Variants in CCDC178 observed in about 807,000 individuals in gnomAD.
CCDC178 encodes coiled-coil domain containing 178.
In CCDC178, 126 loss-of-function variants were observed where a neutral mutation model predicts 117.4. That is an observed-to-expected ratio of 1.07 (90% CI 0.93 to 1.24). CCDC178 has a LOEUF of 1.24. Among genes scored for constraint, CCDC178 ranks in the 50% most tolerant of loss-of-function variants. The probability of loss-of-function intolerance (pLI) is 0.00; values close to 1 mark genes in which losing one functional copy is unlikely to be tolerated. For synonymous variants in CCDC178, 283 were observed against 313.4 expected (o/e 0.90, Z 1.02); for missense variants, 1,030 against 986.9 (o/e 1.04, Z -0.59).
chr18:33,062,522 G>A (rs1020215717), intron 21 of CCDC178, among the ~76,000 whole-genome samples: 1 of 152,152 alleles, frequency 6.6e-6, no homozygotes, highest in Admixed American at 6.5e-5. Context: ...CAACCTGGCT[G>A]GAATTGACTC....
chr18:33,314,377 T>C (rs1195628235), intron 11 of CCDC178, among the ~76,000 whole-genome samples: 1 of 152,050 alleles, frequency 6.6e-6, no homozygotes, highest in Non-Finnish European at 1.5e-5. Flanking sequence ...AGTCTTCGGG[T>C]AAAGTAAAGC....
chr18:33,139,071 A>C (rs1568011955), intron 20 of CCDC178, among the ~76,000 whole-genome samples: 1 of 152,202 alleles, frequency 6.6e-6, no homozygotes, highest in African/African-American at 2.4e-5. Flanking sequence ...TGTTCTTGTA[A>C]TAGTGAATGA....
chr18:33,192,586 T>G (rs2058872690), intron 20 of CCDC178, among the ~76,000 whole-genome samples: 1 of 152,130 alleles, frequency 6.6e-6, no homozygotes, highest in Admixed American at 6.5e-5. Context: ...CAGAAAATTG[T>G]AATAAACAGT....
At chr18:33,343,178 A>T (rs1188663697) in intron 9 of CCDC178, among the ~76,000 whole-genome samples, 1 of 150,976 alleles carries the variant, frequency 6.6e-6, no homozygotes, top group Non-Finnish European at 1.5e-5. Flanking sequence ...AGATTATGGG[A>T]AAGACAGGTA....
intron 20 of CCDC178, among the ~76,000 whole-genome samples, chr18:33,206,157 G>C (rs903314290): frequency 1.3e-5 from 2 of 151,996 alleles, no homozygotes; most frequent in Admixed American, 1.3e-4. Flanking sequence ...ACTCAAGGCA[G>C]CTACATTCCC....
At chr18:33,429,107 C>T (rs2064169492) in intron 2 of CCDC178, among the ~76,000 whole-genome samples, 1 of 151,822 alleles carries the variant, frequency 6.6e-6, no homozygotes, top group African/African-American at 2.4e-5. Context: ...TATTTTAGAG[C>T]TATGACTTCA....
chr18:33,306,456 G>GTT (rs2062251619), intron 11 of CCDC178, among the ~76,000 whole-genome samples: 1 of 95,536 alleles, frequency 1.0e-5, no homozygotes, highest in African/African-American at 4.0e-5. Context: ...GTGTACATAT[G>GTT]GTTATATATA....
chr18:33,344,290 G>A (rs1302139053), intron 9 of CCDC178, among the ~76,000 whole-genome samples: 1 of 128,206 alleles, frequency 7.8e-6, no homozygotes, highest in Non-Finnish European at 1.6e-5. Context: ...CGGCCTGGGC[G>A]ACAGAGCGAG....
chr18:33,025,283 T>C (rs1008647171), intron 21 of CCDC178, among the ~76,000 whole-genome samples: 28 of 152,238 alleles, frequency 1.8e-4, no homozygotes, highest in Non-Finnish European at 1.5e-4. Context: ...TATTAAAATG[T>C]AACAAAAACT....
intron 9 of CCDC178, among the ~76,000 whole-genome samples, chr18:33,335,942 C>T (rs984284568): frequency 2.0e-5 from 3 of 151,986 alleles, no homozygotes; most frequent in Admixed American, 6.6e-5. Context: ...ATAAATTTTT[C>T]GTGCCTGGGT....
intron 6 of CCDC178, among the ~76,000 whole-genome samples, chr18:33,367,237 G>A (rs1453364945): frequency 1.3e-5 from 2 of 151,898 alleles, no homozygotes; most frequent in African/African-American, 4.8e-5. Context: ...CTTTCTTGTG[G>A]GATCTAAAAA....
intron 20 of CCDC178, among the ~76,000 whole-genome samples, chr18:33,121,018 C>T (rs961316609): frequency 1.5e-4 from 23 of 152,202 alleles, no homozygotes; most frequent in Admixed American, 1.0e-3. Context: ...TAAGTTGACA[C>T]GAGGTGGACT....
chr18:33,357,110 T>C (rs2063068055), intron 6 of CCDC178, among the ~76,000 whole-genome samples: 1 of 152,112 alleles, frequency 6.6e-6, no homozygotes, highest in Non-Finnish European at 1.5e-5. Context: ...CCCCCATTTC[T>C]AGATGTCCCA....
intron 12 of CCDC178, among the ~76,000 whole-genome samples, chr18:33,288,905 G>A (rs2060133825): frequency 6.6e-6 from 1 of 152,204 alleles, no homozygotes. Flanking sequence ...GTTGTTTCAG[G>A]TGGTTAGAGT....
intron 21 of CCDC178, among the ~76,000 whole-genome samples, chr18:33,074,430 G>T (rs966811605): frequency 1.3e-5 from 2 of 152,076 alleles, no homozygotes; most frequent in Non-Finnish European, 2.9e-5. Context: ...AAATTGCACA[G>T]TATCAATTTC....
intron 21 of CCDC178, among the ~76,000 whole-genome samples, chr18:32,993,566 C>A (rs369754812): frequency 1.0e-3 from 159 of 152,316 alleles, no homozygotes; most frequent in Middle Eastern, 6.8e-3. Context: ...CTTTCCTGGG[C>A]AAAGCCAAGA....
intron 5 of CCDC178, among the ~76,000 whole-genome samples, chr18:33,375,302 T>C (rs372633506): frequency 4.2e-4 from 64 of 152,328 alleles, no homozygotes; most frequent in African/African-American, 1.4e-3. Context: ...ATTCCTTAAA[T>C]ATGACTATTT....
intron 20 of CCDC178, among the ~76,000 whole-genome samples, chr18:33,203,121 CATT>C (rs1402480910): frequency 6.6e-6 from 1 of 151,984 alleles, no homozygotes; most frequent in Non-Finnish European, 1.5e-5. Context: ...TAAGGTATAT[CATT>C]GTTGTATTAA....
At chr18:33,283,502 T>C (rs1313082103) in intron 12 of CCDC178, among the ~76,000 whole-genome samples, 1 of 152,192 alleles carries the variant, frequency 6.6e-6, no homozygotes, top group Admixed American at 6.5e-5. Context: ...GAGAAAATTT[T>C]TGCAAATTAT....
Sources: gnomAD v4.1 joint callset for allele counts (sites outside exome capture counted in the v4.1 genomes callset) on GRCh38, gnomAD v4.1.1 for gene constraint, MANE v1.5 for transcripts, NCBI Gene and HGNC (gene_info 2026-07-23, HGNC 2026-07-21) for gene names.